Variants in XRCC4 observed in about 807,000 individuals in gnomAD.
XRCC4 encodes the protein DNA repair protein XRCC4.
In XRCC4, 28 loss-of-function variants were observed where a neutral mutation model predicts 39.1. The ratio of observed to expected loss-of-function variants is 0.72; its 90% CI spans 0.53 to 0.98. The LOEUF (loss-of-function observed/expected upper bound fraction) is 0.98. Ranked by LOEUF, XRCC4 falls within the 50% of genes least tolerant of loss-of-function variation. XRCC4 has a pLI of 0.00. For missense variants in XRCC4, 350 were observed against 376.4 expected, an observed-to-expected ratio of 0.93 and a Z score of 0.58; for synonymous variants, 123 against 126.4, an observed-to-expected ratio of 0.97 and a Z score of 0.18.
At chr5:83,320,378 A>T (rs553292014) in intron 7 of XRCC4, among the ~76,000 whole-genome samples, 4,806 of 149,564 alleles carry the variant, frequency 0.032, 268 homozygotes, top group African/African-American at 0.11. Context: ...AAATAAAAAA[A>T]TAATAAAAAA....
At chr5:83,237,869 A>G (rs573625423) in intron 6 of XRCC4, among the ~76,000 whole-genome samples, 1 of 152,244 alleles carries the variant, frequency 6.6e-6, no homozygotes, top group South Asian at 2.1e-4. Flanking sequence ...ACTCTTATGT[A>G]TCCATAATAA....
chr5:83,128,056 G>C (rs1747362875), intron 3 of XRCC4, among the ~76,000 whole-genome samples: 1 of 151,900 alleles, frequency 6.6e-6, no homozygotes, highest in Non-Finnish European at 1.5e-5. Context: ...CATGTGCCAT[G>C]TTGCTGTGCT....
chr5:83,120,281 C>T (rs561419878), intron 3 of XRCC4, among the ~76,000 whole-genome samples: 23 of 152,068 alleles, frequency 1.5e-4, no homozygotes, highest in Middle Eastern at 3.4e-3. Context: ...GAATTCAGGC[C>T]GCTGTTTTAT....
At chr5:83,241,040 A>G (rs937843008) in intron 6 of XRCC4, among the ~76,000 whole-genome samples, 2 of 152,122 alleles carry the variant, frequency 1.3e-5, no homozygotes, top group Non-Finnish European at 2.9e-5. Context: ...GTTTGAGACC[A>G]GCCTGGCGAA....
chr5:83,311,086 T>C (rs897834786), intron 7 of XRCC4: 2 of 222,078 alleles, frequency 9.0e-6, no homozygotes, highest in Non-Finnish European at 1.9e-5. Flanking sequence ...TGTGGTAGTT[T>C]GTGGTAATTT....
At chr5:83,274,773 G>T (rs533280963) in intron 7 of XRCC4, among the ~76,000 whole-genome samples, 2 of 152,296 alleles carry the variant, frequency 1.3e-5, no homozygotes, top group East Asian at 3.9e-4. Flanking sequence ...TGTGTACCAT[G>T]TAGGGGAATG....
At chr5:83,338,424 A>C (rs562405110) in intron 7 of XRCC4, among the ~76,000 whole-genome samples, 1 of 152,332 alleles carries the variant, frequency 6.6e-6, no homozygotes, top group South Asian at 2.1e-4. Context: ...TATTGAATTC[A>C]TATGGTCAAG....
chr5:83,228,236 A>G (rs111886928), intron 6 of XRCC4, among the ~76,000 whole-genome samples: 90 of 152,184 alleles, frequency 5.9e-4, no homozygotes, highest in African/African-American at 2.1e-3. Context: ...AACAATCTTT[A>G]CAATAAAGTA....
chr5:83,333,667 G>A (rs1240802982), intron 7 of XRCC4, among the ~76,000 whole-genome samples: 1 of 152,132 alleles, frequency 6.6e-6, no homozygotes, highest in African/African-American at 2.4e-5. Context: ...CAAGGAAGGG[G>A]GACAGTGATC....
intron 3 of XRCC4, among the ~76,000 whole-genome samples, chr5:83,144,639 A>G (rs1347062202): frequency 7.8e-6 from 1 of 128,314 alleles, no homozygotes; most frequent in African/African-American, 3.1e-5. Flanking sequence ...ATTCTTGGCT[A>G]TTATTTTTAA....
chr5:83,130,492 T>A (rs1747515672), intron 3 of XRCC4, among the ~76,000 whole-genome samples: 1 of 152,182 alleles, frequency 6.6e-6, no homozygotes, highest in Non-Finnish European at 1.5e-5. Context: ...ATAAAATGAG[T>A]TAGGGAGGAT....
At chr5:83,274,920 A>G (rs567743793) in intron 7 of XRCC4, among the ~76,000 whole-genome samples, 1 of 152,328 alleles carries the variant, frequency 6.6e-6, no homozygotes, top group East Asian at 1.9e-4. Context: ...GATTGCTATT[A>G]TAAGTATGTG....
intron 7 of XRCC4, among the ~76,000 whole-genome samples, chr5:83,281,017 G>A (rs146917282): frequency 7.0e-4 from 107 of 152,266 alleles, no homozygotes; most frequent in African/African-American, 2.5e-3. Context: ...GCTAATGTTT[G>A]TGAAGAACAT....
At chr5:83,093,640 A>C (rs1327918353) in intron 1 of XRCC4, among the ~76,000 whole-genome samples, 1 of 152,204 alleles carries the variant, frequency 6.6e-6, no homozygotes, top group Admixed American at 6.5e-5. Flanking sequence ...TGAAACTAGA[A>C]ATCAATTACG....
In XRCC4 at chr5:83,192,761, CA is replaced by C. The variant is rs373043891; in HGVS notation, c.316-3002del. On this transcript the variant is annotated intron_variant, in intron 3 of 7. Coordinates refer to ENST00000396027, the MANE Select transcript of XRCC4 (RefSeq NM_003401.5). ...TATTAATAAAATTGAGAACTAACTACAAAAAAACTCTTAATTTTATCTGTTT... is the reference window on the plus strand; with the variant it reads ...TATTAATAAAATTGAGAACTAACTACAAAAAACTCTTAATTTTATCTGTTT... Among the ~76,000 whole-genome samples the C allele has an allele frequency of 1.7e-3, 260 of 152,118 alleles. 1 individual carries two copies. Among genetic ancestry groups the C allele is most frequent in the African/African-American group, 6.1e-3 (253 of 41,516 alleles).
intron 7 of XRCC4, among the ~76,000 whole-genome samples, chr5:83,314,618 C>T (rs1391883799): frequency 1.3e-5 from 2 of 152,110 alleles, no homozygotes; most frequent in African/African-American, 4.8e-5. Context: ...CATGTGGTCA[C>T]TTTGTGTCAC....
intron 7 of XRCC4, among the ~76,000 whole-genome samples, chr5:83,321,145 A>G (rs1439703112): frequency 6.6e-6 from 1 of 152,182 alleles, no homozygotes; most frequent in Non-Finnish European, 1.5e-5. Flanking sequence ...TTAATAGGCT[A>G]CAGTGTCATG....
At chr5:83,122,333 CA>C (rs897910450) in intron 3 of XRCC4, among the ~76,000 whole-genome samples, 2 of 152,028 alleles carry the variant, frequency 1.3e-5, no homozygotes, top group African/African-American at 4.8e-5. Flanking sequence ...GTTTCCTACC[CA>C]GGGGAGATTT....
chr5:83,090,742 T>TC (rs1745389117), intron 1 of XRCC4, among the ~76,000 whole-genome samples: 1 of 152,184 alleles, frequency 6.6e-6, no homozygotes. Flanking sequence ...TGAAAGCTGT[T>TC]CCTTATGAGT....
Sources: allele counts gnomAD v4.1 joint callset (sites outside exome capture counted in the v4.1 genomes callset), GRCh38; gene constraint gnomAD v4.1.1; transcripts MANE v1.5; gene names NCBI Gene and HGNC (gene_info 2026-07-23, HGNC 2026-07-21).